Variants in DYNC2H1 observed in about 807,000 individuals in gnomAD.
DYNC2H1 encodes cytoplasmic dynein 2 heavy chain 1.
A neutral mutation model predicts 570.0 loss-of-function variants in DYNC2H1; 410 were observed. The observed-to-expected ratio is 0.72, with a 90% CI of 0.66 to 0.78. DYNC2H1 has a LOEUF of 0.78. DYNC2H1 is among the 30% of genes least tolerant of loss of function. The pLI is 0.00. For synonymous variants in DYNC2H1, 1,688 were observed against 1,677.6 expected (o/e 1.01, Z -0.15); for missense variants, 4,865 against 5,046.4 (o/e 0.96, Z 1.09).
intron 85 of DYNC2H1, among the ~76,000 whole-genome samples, chr11:103,444,792 C>T (rs548142): frequency 0.35 from 53,690 of 151,924 alleles, 10,021 homozygotes; most frequent in African/African-American, 0.47. Flanking sequence ...TCAGTAAGTA[C>T]AGAATCTCTG....
At position 103,197,887 on chromosome 11, in the gene DYNC2H1, A is replaced by T. The variant is rs779157578; in HGVS notation, c.7709-46A>T. On this transcript the variant is annotated intron_variant, in intron 47 of 88. Coordinates refer to ENST00000375735, the MANE Select transcript of DYNC2H1 (RefSeq NM_001377.3). ...TAGGCAATGTATTTGTTGAACTCTC[A>T]TTACGAGTAATGCATATAAAACAAA... 3 of 1,541,234 alleles carry T rather than the reference A, an allele frequency of 1.9e-6. No individual in the cohort carries two copies. The South Asian group carries it at 3.6e-5, about 19-fold the overall frequency.
At chr11:103,168,638 T>C in intron 31 of DYNC2H1, 117 bp from the exon 32 acceptor site, 1 of 1,074,638 alleles carries the variant, frequency 9.3e-7, no homozygotes, top group Non-Finnish European at 1.3e-6. Context: ...ACCATTCATA[T>C]GTGTCATGAA....
intron 79 of DYNC2H1, 112 bp from the exon 80 acceptor site, chr11:103,316,433 A>G: frequency 1.6e-6 from 1 of 637,742 alleles, no homozygotes. Flanking sequence ...AATTCTCAGG[A>G]GTTATATATT....
At chr11:103,176,916 G>T (rs567523717) in intron 37 of DYNC2H1, among the ~76,000 whole-genome samples, 2 of 152,114 alleles carry the variant, frequency 1.3e-5, no homozygotes, top group East Asian at 3.9e-4. Flanking sequence ...ATGTTGGCCA[G>T]GCTGGTCTCG....
intron 65 of DYNC2H1, among the ~76,000 whole-genome samples, chr11:103,246,373 G>A (rs1396238164): frequency 2.0e-5 from 3 of 151,912 alleles, no homozygotes; most frequent in African/African-American, 7.2e-5. Context: ...ATTCTATACT[G>A]TGGTCCTGAA....
At chr11:103,459,781 T>C (rs1467031746) in intron 87 of DYNC2H1, among the ~76,000 whole-genome samples, 1 of 149,344 alleles carries the variant, frequency 6.7e-6, no homozygotes, top group East Asian at 2.0e-4. Context: ...TGAAACCCCG[T>C]CTCTACTAAA....
intron 19 of DYNC2H1, 56 bp from the exon 20 acceptor site, chr11:103,148,434 T>G: frequency 6.6e-7 from 1 of 1,506,346 alleles, no homozygotes; most frequent in Non-Finnish European, 9.0e-7. Context: ...ATTATGTAAC[T>G]TAGTATTTTT....
chr11:103,246,032 C>T (rs565011460), intron 65 of DYNC2H1, among the ~76,000 whole-genome samples: 3 of 152,210 alleles, frequency 2.0e-5, no homozygotes, highest in East Asian at 1.9e-4. Context: ...GCAAAGCATG[C>T]ACTATTCTCT....
intron 82 of DYNC2H1, among the ~76,000 whole-genome samples, chr11:103,354,599 A>G (rs1031372544): frequency 1.3e-5 from 2 of 151,850 alleles, no homozygotes; most frequent in African/African-American, 2.4e-5. Context: ...GCTAATGTCC[A>G]TGGTTTAAAT....
At chr11:103,463,822 T>A (rs1945100415) in intron 87 of DYNC2H1, among the ~76,000 whole-genome samples, 1 of 152,162 alleles carries the variant, frequency 6.6e-6, no homozygotes, top group African/African-American at 2.4e-5. Flanking sequence ...TAGAAATCTG[T>A]AGGCTTAAGA....
In DYNC2H1 at chr11:103,257,625, C is replaced by T. The variant is rs151056947; in HGVS notation, c.10479C>T (p.Leu3493=). The T allele has an allele frequency of 4.3e-6, 7 of 1,611,360 alleles. No individual in the cohort carries two copies. The highest frequency in any genetic ancestry group is 5.9e-6 in the Non-Finnish European group (7 of 1,178,414). ...ISLDQERDAY[L]PLAESASKMY... ...ATCCATAGGAACGGGATGCCTATCT[C>T]CCCCTGGCTGAGAGTGCCAGCAAGA... The change falls in exon 69 of 89, where the codon CTC becomes CTT. Residue 3493 remains leucine, a synonymous_variant. Transcript: ENST00000375735.
At chr11:103,426,936 C>A (rs10895427) in intron 84 of DYNC2H1, among the ~76,000 whole-genome samples, 48,044 of 151,908 alleles carry the variant, frequency 0.32, 7,623 homozygotes, top group Middle Eastern at 0.36. Context: ...TAAATAAATT[C>A]TATATAAAAA....
intron 34 of DYNC2H1, 24 bp from the exon 35 acceptor site, chr11:103,173,058 T>G (rs898596399): frequency 2.1e-5 from 23 of 1,115,480 alleles, no homozygotes; most frequent in African/African-American, 2.0e-4. Context: ...ATATTTAAAT[T>G]AATATTTTTA....
At chr11:103,183,620 C>T (rs1861941466) in intron 40 of DYNC2H1, among the ~76,000 whole-genome samples, 1 of 151,874 alleles carries the variant, frequency 6.6e-6, no homozygotes, top group African/African-American at 2.4e-5. Context: ...TAGAACTTTG[C>T]TTTCTTCTTT....
Position 103,286,284 on chromosome 11 carries a change from C to T in DYNC2H1, c.10920C>T (p.Leu3640=), listed in dbSNP as rs530445230. ...KIALPSLYQT[L]CFEDAALWRT... ...CTCTCCCCAGTCTTTATCAGACCCT[C>T]TGCTTTGAAGATGCAGCTCTGTGGC... The change falls in exon 74 of 89, where the codon CTC becomes CTT. Residue 3640 remains leucine (L), a synonymous_variant. Transcript: ENST00000375735. The T allele has an allele frequency of 1.9e-5, 30 of 1,613,764 alleles. No homozygotes were observed. In the African/African-American group the frequency reaches 3.1e-4, roughly 16 times the overall value.
rs386374721 is a variant in DYNC2H1, at chr11:103,309,168, ATTTTTTTTTTTT to A, written c.11493+1350_11493+1361del. Among the ~76,000 whole-genome samples the A allele has an allele frequency of 7.3e-5, 4 of 54,620 alleles. 1 individual carries two copies. In the Admixed American group the frequency reaches 9.5e-4, roughly 13 times the overall value. The allele number at this position is 54,620 out of a possible 152,430, so 35.8% of individuals were successfully genotyped here. On this transcript the variant is annotated intron_variant, in intron 78 of 88. Coordinates refer to ENST00000375735, the MANE Select transcript of DYNC2H1 (RefSeq NM_001377.3). ...TTATTAGTGTTTGTAACTGCATGCT[ATTTTTTTTTTTT>A]TTTTTTTTTTTTGAGATGGGGTCTC...
intron 26 of DYNC2H1, among the ~76,000 whole-genome samples, 164 bp downstream of exon 26, chr11:103,156,934 A>G (rs1269452541): frequency 1.3e-5 from 2 of 152,190 alleles, no homozygotes; most frequent in Admixed American, 6.5e-5. Context: ...CTCTCATTCA[A>G]GCATTTACTT....
intron 87 of DYNC2H1, among the ~76,000 whole-genome samples, chr11:103,459,009 T>A (rs1407484572): frequency 1.3e-5 from 2 of 151,622 alleles, no homozygotes; most frequent in Non-Finnish European, 2.9e-5. Flanking sequence ...TTTATACAAC[T>A]AACTTATTAG....
intron 83 of DYNC2H1, among the ~76,000 whole-genome samples, chr11:103,387,881 T>C (rs536680595): frequency 1.3e-5 from 2 of 152,350 alleles, no homozygotes; most frequent in East Asian, 3.9e-4. Flanking sequence ...TTGGTATCAG[T>C]ACCATGCTGT....
Sources: gnomAD v4.1 joint callset for allele counts (sites outside exome capture counted in the v4.1 genomes callset) on GRCh38, gnomAD v4.1.1 for gene constraint, MANE v1.5 for transcripts, NCBI Gene and HGNC (gene_info 2026-07-23, HGNC 2026-07-21) for gene names.